The following C5orf63 variants were observed in gnomAD, a reference collection of about 807,000 sequenced individuals.
C5orf63 encodes chromosome 5 open reading frame 63, also known as glutaredoxin-like protein C5orf63.
Under a neutral mutation model 13.3 loss-of-function variants are expected in C5orf63, and 18 were observed. The observed-to-expected ratio is 1.36, with a 90% CI of 0.94 to 2.01. The LOEUF is 2.01. Among genes scored for constraint, C5orf63 ranks in the 30% most tolerant of loss-of-function variants. C5orf63 has a pLI of 0.00. For missense variants in C5orf63, 118 were observed against 127.7 expected, an observed-to-expected ratio of 0.92 and a Z score of 0.36; for synonymous variants, 38 against 44.7, an observed-to-expected ratio of 0.85 and a Z score of 0.60.
At chr5:127,065,536 T>C (rs909624583) in intron 2 of C5orf63, among the ~76,000 whole-genome samples, 10 of 152,136 alleles carry the variant, frequency 6.6e-5, no homozygotes, top group Middle Eastern at 3.2e-3. Context: ...GGCTATCTGA[T>C]GGGGGAAACC....
chr5:127,066,867 C>A (rs1027093194), intron 2 of C5orf63, among the ~76,000 whole-genome samples: 2 of 152,078 alleles, frequency 1.3e-5, no homozygotes. Flanking sequence ...GCAGACAGAA[C>A]AGCTGGTGAG....
chr5:127,043,405 A>C (rs867852892), downstream of C5orf63: 2 of 152,134 alleles, frequency 1.3e-5, no homozygotes, highest in African/African-American at 4.8e-5. Flanking sequence ...GTGAAATCTG[A>C]CATTGATAAG....
At chr5:127,072,039 C>A (rs1241662176) in intron 1 of C5orf63, 4 of 152,182 alleles carry the variant, frequency 2.6e-5, no homozygotes, top group African/African-American at 9.7e-5. Flanking sequence ...GCCACATATT[C>A]CTCTGATGAA....
chr5:127,065,515 A>C (rs187054658), intron 2 of C5orf63, among the ~76,000 whole-genome samples: 55 of 152,334 alleles, frequency 3.6e-4, no homozygotes, highest in Non-Finnish European at 7.1e-4. Flanking sequence ...TAATGGAGGT[A>C]GGAATGACAT....
intron 3 of C5orf63, among the ~76,000 whole-genome samples, chr5:127,055,627 T>C (rs1286765666): frequency 6.6e-6 from 1 of 152,182 alleles, no homozygotes; most frequent in African/African-American, 2.4e-5. Context: ...CATGTTATTA[T>C]TAGCATTAGC....
downstream of C5orf63, among the ~76,000 whole-genome samples, chr5:127,049,491 C>T (rs1753605015): frequency 6.6e-6 from 1 of 152,198 alleles, no homozygotes; most frequent in Non-Finnish European, 1.5e-5. Context: ...TGCTACTTTT[C>T]CCACCTGGTA....
intron 2 of C5orf63, among the ~76,000 whole-genome samples, chr5:127,061,345 T>C (rs1325844306): frequency 6.6e-6 from 1 of 152,186 alleles, no homozygotes; most frequent in Non-Finnish European, 1.5e-5. Context: ...CCAACCCATA[T>C]CATGCTAGAA....
Position 127,051,564 on chromosome 5 carries a change from C to A in C5orf63, c.*207G>T. On this transcript the variant is annotated 3_prime_UTR_variant, in exon 5 of 5. Transcript: ENST00000296662. ...TCTCCCTCCCTGCTAATATGCTCTT[C>A]TTATTTTATAAAATGCCATTAAGCA... The A allele has an allele frequency of 1.6e-6, 2 of 1,248,648 alleles. No homozygotes were observed. Among genetic ancestry groups the A allele is most frequent in the Non-Finnish European group, 2.0e-6 (2 of 997,348 alleles). The allele number at this position is 1,248,648 out of a possible 1,614,324, so 77.3% of individuals were successfully genotyped here. A position where few individuals can be genotyped will look rare whatever the true frequency, so the allele number is the denominator to read the frequency against.
chr5:127,067,462 C>T (rs1391605463), intron 2 of C5orf63, among the ~76,000 whole-genome samples: 1 of 151,990 alleles, frequency 6.6e-6, no homozygotes, highest in Non-Finnish European at 1.5e-5. Flanking sequence ...ATTATTTAAA[C>T]AGGAATTTCT....
At chr5:127,050,060 CTCTTTA>C (rs1403651587), downstream of C5orf63, among the ~76,000 whole-genome samples, 3 of 152,202 alleles carry the variant, frequency 2.0e-5, no homozygotes, top group Admixed American at 6.5e-5. Context: ...CTCTACTTTC[CTCTTTA>C]TAACTAACCA....
intron 2 of C5orf63, among the ~76,000 whole-genome samples, chr5:127,067,937 A>G (rs1561493015): frequency 1.3e-5 from 2 of 152,156 alleles, no homozygotes; most frequent in Non-Finnish European, 2.9e-5. Flanking sequence ...ATTAAGCATA[A>G]ATGGTATAGT....
chr5:127,055,441 C>T (rs918253463), intron 3 of C5orf63, among the ~76,000 whole-genome samples: 3 of 152,082 alleles, frequency 2.0e-5, no homozygotes, highest in African/African-American at 7.2e-5. Context: ...TCAAAACAGA[C>T]CCCAAATTAC....
At chr5:127,062,871 T>G (rs975844828) in intron 2 of C5orf63, among the ~76,000 whole-genome samples, 1 of 152,212 alleles carries the variant, frequency 6.6e-6, no homozygotes, top group Non-Finnish European at 1.5e-5. Flanking sequence ...AATTTAGTCA[T>G]GAAATATGTG....
At chr5:127,050,928 C>T (rs568571295), downstream of C5orf63, among the ~76,000 whole-genome samples, 24 of 152,188 alleles carry the variant, frequency 1.6e-4, 1 homozygote, top group Middle Eastern at 6.8e-3. Context: ...AATAAGGGTA[C>T]GCAAATACAT....
At chr5:127,053,446 T>C (rs1046301570) in intron 3 of C5orf63, among the ~76,000 whole-genome samples, 4 of 151,968 alleles carry the variant, frequency 2.6e-5, no homozygotes, top group African/African-American at 9.7e-5. Context: ...TATACCTTTT[T>C]ATTATACTTT....
intron 2 of C5orf63, among the ~76,000 whole-genome samples, chr5:127,061,060 T>G (rs1297126063): frequency 6.6e-6 from 1 of 152,194 alleles, no homozygotes; most frequent in East Asian, 1.9e-4. Context: ...CCTCTACCCC[T>G]GATTAGATAC....
chr5:127,059,088 G>A lies in C5orf63; in HGVS notation c.-7-86C>T, dbSNP rs902400041. 4.9e-6 allele frequency: 4 copies of A among 815,656 alleles called. No homozygotes were observed. In the African/African-American group the frequency reaches 5.2e-5, roughly 11 times the overall value. The allele number at this position is 815,656 out of a possible 1,614,324, so 50.5% of individuals were successfully genotyped here. A position where few individuals can be genotyped will look rare whatever the true frequency, so the allele number is the denominator to read the frequency against. ...GGACAGTAATTTCCAAGCTTATGATGGAATTTGCGGGCTTCAGAATTGTTT... is the reference window on the plus strand; with the variant it reads ...GGACAGTAATTTCCAAGCTTATGATAGAATTTGCGGGCTTCAGAATTGTTT... On this transcript the variant is annotated intron_variant, in intron 2 of 4. Coordinates refer to ENST00000296662, the MANE Select transcript of C5orf63 (RefSeq NM_001164478.2).
At chr5:127,058,011 A>T (rs1282002605) in intron 3 of C5orf63, among the ~76,000 whole-genome samples, 1 of 152,204 alleles carries the variant, frequency 6.6e-6, no homozygotes, top group Non-Finnish European at 1.5e-5. Context: ...ATGAATCAAC[A>T]ATATATACTA....
chr5:127,058,987 C>A lies in C5orf63; in HGVS notation c.9G>T (p.Trp3Cys), dbSNP rs1037167919. The change falls in exon 3 of 5, where the codon TGG becomes TGT. Residue 3 changes from tryptophan to cysteine, a missense_variant. Trp to Cys is a radical substitution (Grantham distance 215, BLOSUM62 -2). Coordinates refer to ENST00000296662, the MANE Select transcript of C5orf63 (RefSeq NM_001164478.2). ML[W>C]FQGNSMQLAR... ...CAAGTTGCATGCTATTTCCTTGAAA[C>A]CAGAGCATCTTAATTCTGCCAAAAG... 1 of 1,534,242 alleles carries A rather than the reference C, an allele frequency of 6.5e-7. No homozygotes were observed. The highest frequency in any genetic ancestry group is 2.4e-5 in the East Asian group (1 of 40,880).
Sources: allele counts gnomAD v4.1 joint callset (sites outside exome capture counted in the v4.1 genomes callset), GRCh38; gene constraint gnomAD v4.1.1; transcripts MANE v1.5; gene names NCBI Gene and HGNC (gene_info 2026-07-23, HGNC 2026-07-21).